CDK18: variants seen among roughly 807,000 people sequenced by gnomAD.
CDK18 encodes cyclin-dependent kinase 18.
In CDK18, 52 loss-of-function variants were observed where a neutral mutation model predicts 62.0. The observed-to-expected ratio is 0.84, with a 90% CI of 0.67 to 1.06. CDK18 has a LOEUF of 1.06. Ranked by LOEUF, CDK18 falls within the 50% of genes least tolerant of loss-of-function variation. The pLI is 0.00. For missense variants in CDK18, 604 were observed against 619.9 expected (o/e 0.97, Z 0.27); for synonymous variants, 237 against 247.0 (o/e 0.96, Z 0.38).
Position 205,525,149 on chromosome 1 carries a change from G to A in CDK18, c.410G>A (p.Gly137Asp). Residue 137 changes from glycine (G) to aspartate (D), a missense_variant, in exon 5 of 16, where the codon GGC becomes GAC. Coordinates refer to ENST00000429964, the MANE Select transcript of CDK18 (RefSeq NM_212502.3). Reference sequence around the variant, plus strand: ...GTCTCTCCCTCTCAGTCAGACATTGGCTTTGGGAAACTGGAAACATACGTG... The same window carrying A: ...GTCTCTCCCTCTCAGTCAGACATTGACTTTGGGAAACTGGAAACATACGTG... Reference protein sequence around the residue: ...MSRRASLSDIGFGKLETYVKL... With the variant: ...MSRRASLSDIDFGKLETYVKL... 1 of 1,608,578 alleles carries A rather than the reference G, an allele frequency of 6.2e-7. No homozygotes were observed. The highest frequency in any genetic ancestry group is 8.5e-7 in the Non-Finnish European group (1 of 1,175,932).
chr1:205,529,031 C>T lies in CDK18; in HGVS notation c.1007C>T (p.Thr336Ile), dbSNP rs200438485. The change falls in exon 11 of 16, where the codon ACA (threonine) becomes ATA (isoleucine). Residue 336 changes from threonine to isoleucine, a missense_variant. Physicochemically the swap from Thr to Ile is moderately conservative, Grantham distance 89. Coordinates refer to ENST00000429964, the MANE Select transcript of CDK18 (RefSeq NM_212502.3). Reference protein sequence around the residue: ...GVGCIHYEMATGRPLFPGSTV... With the variant: ...GVGCIHYEMAIGRPLFPGSTV... ...GGCTGCATCCACTACGAGATGGCCA[C>T]AGGGAGGCCCCTCTTCCCGGGCTCC... 3 of 1,596,428 alleles carry T rather than the reference C, an allele frequency of 1.9e-6. No individual in the cohort carries two copies. The highest frequency in any genetic ancestry group is 2.6e-6 in the Non-Finnish European group (3 of 1,172,166).
chr1:205,518,847 G>A (rs746225106), intron 1 of CDK18, among the ~76,000 whole-genome samples: 19 of 152,186 alleles, frequency 1.2e-4, no homozygotes, highest in African/African-American at 1.7e-4. Flanking sequence ...GTTCTGGGCC[G>A]GCTGCTGTGT....
At position 205,523,209 on chromosome 1, in the gene CDK18, CCT is replaced by C. The variant is rs762422970; in HGVS notation, c.43_44del (p.Leu15ValfsTer6). 1.2e-6 allele frequency: 2 copies of C among 1,613,876 alleles called. No individual in the cohort carries two copies. Among genetic ancestry groups the C allele is most frequent in the South Asian group, 1.1e-5 (1 of 91,058 alleles). On this transcript the variant is annotated frameshift_variant, in exon 2 of 16. Transcript: ENST00000429964. LOFTEE classifies it high-confidence loss of function. ...TGAAGAACTTTAAGCGCCGTTTCTC[CCT>C]GTCAGTGCCCCGCACTGAGACCATT... ...KMKNFKRRFS[L>X]SVPRTETIEE...
chr1:205,513,316 T>C (rs1440544156), intron 1 of CDK18, among the ~76,000 whole-genome samples: 1 of 152,194 alleles, frequency 6.6e-6, no homozygotes, highest in African/African-American at 2.4e-5. Context: ...AGGCCAGGCC[T>C]ATCCTGGCCC....
At chr1:205,523,690 G>A (rs1253272579) in intron 3 of CDK18, 65 bp downstream of exon 3, 1 of 1,502,768 alleles carries the variant, frequency 6.7e-7, no homozygotes, top group Non-Finnish European at 8.9e-7. Context: ...GTGCACAGGA[G>A]GGCAGCTGCC....
chr1:205,522,950 A>C, intron 1 of CDK18, 197 bp from the exon 2 acceptor site: 1 of 564,944 alleles, frequency 1.8e-6, no homozygotes, highest in Non-Finnish European at 3.1e-6. Context: ...ACTGGGAGGA[A>C]GAAGGTGACT....
Position 205,526,418 on chromosome 1 carries a change from T to G in CDK18, c.623T>G (p.Leu208Arg), listed in dbSNP as rs1391687766. 1 of 1,614,120 alleles carries G rather than the reference T, an allele frequency of 6.2e-7. No individual in the cohort carries two copies. Among genetic ancestry groups the G allele is most frequent in the Non-Finnish European group, 8.5e-7 (1 of 1,179,978 alleles). ...GCCAATATTGTGACCCTGCATGACC[T>G]CATCCACACAGATCGGTCCCTCACC... ...KHANIVTLHD[L>R]IHTDRSLTLV... is the part of the protein sequence containing the mutation. Residue 208 changes from leucine to arginine, a missense_variant, in exon 7 of 16, where the codon CTC (leucine) becomes CGC (arginine). Transcript: ENST00000429964.
intron 1 of CDK18, among the ~76,000 whole-genome samples, chr1:205,510,237 A>G (rs1186791341): frequency 6.6e-6 from 1 of 152,078 alleles, no homozygotes; most frequent in East Asian, 1.9e-4. Context: ...CTCCTCAGGA[A>G]CCAGACCTTC....
rs1668737284 is a variant in CDK18 at position 205,531,520 on chromosome 1, G to A, written c.*142G>A. ...GGAAGACCGCTTGGCAGCCCTTCTG[G>A]CCACGGCTGTTTCTTCTTTGTGCTT... On this transcript the variant is annotated 3_prime_UTR_variant, in exon 16 of 16. Coordinates refer to ENST00000429964, the MANE Select transcript of CDK18 (RefSeq NM_212502.3). 1.4e-6 allele frequency: 1 copy of A among 734,000 alleles called. No homozygotes were observed. Among genetic ancestry groups the A allele is most frequent in the East Asian group, 2.7e-5 (1 of 37,532 alleles). 45.5% of individuals were successfully genotyped at this position (734,000 alleles called of 1,614,324 possible). A position where few individuals can be genotyped will look rare whatever the true frequency, so the allele number is the denominator to read the frequency against.
In CDK18 at chr1:205,527,949, C is replaced by T; in HGVS notation, c.853+32C>T. On this transcript the variant is annotated intron_variant, in intron 9 of 15. Transcript: ENST00000429964. This position sits in a 1 kb window ranked among gnomAD's most constrained non-coding sequence, Gnocchi z 4.1. ...CTGGGGCTAGGGTGGGGGTCTGACG[C>T]TACTGGGGTGCCTCAGGGTGTGGGT... is the stretch of plus-strand genomic sequence containing the variant. 1.9e-6 allele frequency: 3 copies of T among 1,613,500 alleles called. No individual in the cohort carries two copies. Among genetic ancestry groups the T allele is most frequent in the South Asian group, 1.1e-5 (1 of 91,016 alleles).
chr1:205,514,802 T>C (rs533358981), intron 1 of CDK18, among the ~76,000 whole-genome samples: 3 of 152,296 alleles, frequency 2.0e-5, no homozygotes, highest in South Asian at 2.1e-4. Context: ...CCCATTCTTG[T>C]CCTGAAGGAT....
intron 1 of CDK18, among the ~76,000 whole-genome samples, chr1:205,512,207 G>A (rs554852281): frequency 1.3e-5 from 2 of 152,322 alleles, no homozygotes; most frequent in East Asian, 1.9e-4. Flanking sequence ...TTTCCACTTC[G>A]GGAGGGGATG....
chr1:205,530,799 C>G, intron 15 of CDK18, 94 bp downstream of exon 15: 1 of 984,784 alleles, frequency 1.0e-6, no homozygotes, highest in South Asian at 1.3e-5. Context: ...GTCCCCCCAC[C>G]ACTGGCTTCC....
chr1:205,528,560 A>G lies in CDK18; in HGVS notation c.974+392A>G, dbSNP rs1201014247. Reference sequence around the variant, plus strand: ...GTGTATGATTTGGTGTAAAATGAAAAATCAGCCCAAATTGCAAGCCAAGCC... The same window carrying G: ...GTGTATGATTTGGTGTAAAATGAAAGATCAGCCCAAATTGCAAGCCAAGCC... On this transcript the variant is annotated intron_variant, in intron 10 of 15. Coordinates refer to ENST00000429964, the MANE Select transcript of CDK18 (RefSeq NM_212502.3). This position sits in a 1 kb window ranked among gnomAD's most constrained non-coding sequence, Gnocchi z 4.2. 2 of 239,950 alleles carry G rather than the reference A, an allele frequency of 8.3e-6. No homozygotes were observed. Among genetic ancestry groups the G allele is most frequent in the African/African-American group, 4.5e-5 (2 of 44,690 alleles). The allele number at this position is 239,950 out of a possible 1,614,324, so 14.9% of individuals were successfully genotyped here.
intron 1 of CDK18, among the ~76,000 whole-genome samples, chr1:205,515,751 G>C (rs947659805): frequency 6.6e-6 from 1 of 152,168 alleles, no homozygotes; most frequent in African/African-American, 2.4e-5. Flanking sequence ...GGAGACAATG[G>C]CGTATTTGTC....
rs866117041 is a variant in CDK18 at position 205,517,638 on chromosome 1, T to C, written c.-21-5509T>C. On this transcript the variant is annotated intron_variant, in intron 1 of 15. Transcript: ENST00000429964. The surrounding 1 kb of genome is among the most constrained non-coding windows in gnomAD (Gnocchi z 4.1). ...CACTCCGGCTGCTTGGCGAAAACCC[T>C]GCTGCAGAGTCATGCTTGACTCTTT... Among the ~76,000 whole-genome samples the C allele has an allele frequency of 6.6e-5, 10 of 152,186 alleles. No homozygotes were observed. The highest frequency in any genetic ancestry group is 3.4e-3 in the Middle Eastern group (1 of 294).
chr1:205,507,266 A>G (rs907243497), intron 1 of CDK18, among the ~76,000 whole-genome samples: 1 of 152,172 alleles, frequency 6.6e-6, no homozygotes, highest in African/African-American at 2.4e-5. Context: ...CCTTCCCCTC[A>G]CTAGCACACT....
At position 205,517,105 on chromosome 1, in the gene CDK18, C is replaced by T. The variant is rs1667859334; in HGVS notation, c.-21-6042C>T. 6.6e-6 allele frequency: 1 copy of T among 152,428 alleles called. No homozygotes were observed. Among genetic ancestry groups the T allele is most frequent in the South Asian group, 2.1e-4 (1 of 4,836 alleles). The allele number at this position is 152,428 out of a possible 1,614,324, so 9.4% of individuals were successfully genotyped here. ...GCTGGGAATCTGCCCTGTCTGGACA[C>T]TGGGGCCCTGGGGCTGGCCTGGCCT... On this transcript the variant is annotated intron_variant, in intron 1 of 15. Transcript: ENST00000429964. The surrounding 1 kb of genome is among the most constrained non-coding windows in gnomAD (Gnocchi z 4.1).
chr1:205,524,171 C>T, intron 3 of CDK18, 61 bp from the exon 4 acceptor site: 1 of 1,606,624 alleles, frequency 6.2e-7, no homozygotes, highest in Admixed American at 1.7e-5. Context: ...GTCTGGAGCC[C>T]CACAGCCCTA....
Sources: gnomAD v4.1 joint callset for allele counts (sites outside exome capture counted in the v4.1 genomes callset) on GRCh38, gnomAD v4.1.1 for gene constraint, Gnocchi (gnomAD v3.1) non-coding constraint, MANE v1.5 for transcripts, NCBI Gene and HGNC (gene_info 2026-07-23, HGNC 2026-07-21) for gene names.